ATAD3B: variants seen among roughly 807,000 people sequenced by gnomAD.
The protein encoded by ATAD3B is ATPase family AAA domain containing 3B.
Under a neutral mutation model 70.2 loss-of-function variants are expected in ATAD3B, and 59 were observed. The ratio of observed to expected loss-of-function variants is 0.84; its 90% CI spans 0.68 to 1.04. The LOEUF is 1.04. Ranked by LOEUF, ATAD3B falls within the 50% of genes least tolerant of loss-of-function variation. ATAD3B has a pLI of 0.00. For missense variants in ATAD3B, 961 were observed against 913.4 expected, an observed-to-expected ratio of 1.05 and a Z score of -0.67; for synonymous variants, 423 against 388.6, an observed-to-expected ratio of 1.09 and a Z score of -1.04.
intron 1 of ATAD3B, 77 bp downstream of exon 1, chr1:1,472,166 C>T (rs1639364241): frequency 2.2e-6 from 3 of 1,349,356 alleles, no homozygotes; most frequent in African/African-American, 1.6e-5. Context: ...GCCCTTGCCG[C>T]TCCTCGCTGC....
At chr1:1,508,817 G>T in the ATAD3B span, among the ~76,000 whole-genome samples, 1 of 151,532 alleles carries the variant, frequency 6.6e-6, no homozygotes. Context: ...GCCTGTGAGG[G>T]TCAGGGTCTG....
At chr1:1,475,547 GC>G (rs1639549803) in intron 1 of ATAD3B, among the ~76,000 whole-genome samples, 1 of 151,950 alleles carries the variant, frequency 6.6e-6, no homozygotes, top group African/African-American at 2.4e-5. Context: ...GTCCCTTGAG[GC>G]TATAGCCCCA....
At chr1:1,489,110 G>C in intron 12 of ATAD3B, 94 bp from the exon 13 acceptor site, 2 of 1,592,400 alleles carry the variant, frequency 1.3e-6, no homozygotes, top group Non-Finnish European at 1.7e-6. Flanking sequence ...CCACGTCCCT[G>C]CTCCCTGCAG....
intron 1 of ATAD3B, among the ~76,000 whole-genome samples, chr1:1,476,650 A>G (rs1053235972): frequency 6.6e-6 from 1 of 151,466 alleles, no homozygotes; most frequent in African/African-American, 2.4e-5. Context: ...CTAGGACTAC[A>G]AGTGCCCGCC....
intron 1 of ATAD3B, among the ~76,000 whole-genome samples, chr1:1,476,267 G>C (rs1392770981): frequency 6.8e-6 from 1 of 147,574 alleles, no homozygotes; most frequent in African/African-American, 2.6e-5. Flanking sequence ...ACACCAAAGT[G>C]TCGCTGCCTC....
chr1:1,479,639 GCA>G lies in ATAD3B; in HGVS notation c.444+540_444+541del, dbSNP rs1291231245. ...ACACAGGGGCATGCTCACACAGCCC[GCA>G]CACACACAGGTATGCAGACACACCC... On this transcript the variant is annotated intron_variant, in intron 4 of 15. Transcript: ENST00000673477. 1.5e-5 allele frequency among the ~76,000 whole-genome samples: 2 copies of G among 130,346 alleles called. 1 individual carries two copies. Among genetic ancestry groups the G allele is most frequent in the Admixed American group, 1.6e-4 (2 of 12,540 alleles). The allele number at this position is 130,346 out of a possible 152,430, so 85.5% of individuals were successfully genotyped here. A position where few individuals can be genotyped will look rare whatever the true frequency, so the allele number is the denominator to read the frequency against.
Position 1,490,545 on chromosome 1 carries a change from T to C in ATAD3B, c.1506-18T>C. On this transcript the variant is annotated intron_variant, in intron 14 of 15. Transcript: ENST00000673477. ...GGTCCGCGGCCTTGGCTGCCTCACT[T>C]GGGAACTCCTTCCCCAGGCGCCTGA... 1 of 1,611,422 alleles carries C rather than the reference T, an allele frequency of 6.2e-7. No homozygotes were observed. Among genetic ancestry groups the C allele is most frequent in the Non-Finnish European group, 8.5e-7 (1 of 1,179,102 alleles).
Sources: allele counts gnomAD v4.1 joint callset (sites outside exome capture counted in the v4.1 genomes callset), GRCh38; gene constraint gnomAD v4.1.1; transcripts MANE v1.5; gene names NCBI Gene and HGNC (gene_info 2026-07-23, HGNC 2026-07-21).